The following RAD51B variants were observed in gnomAD, a reference collection of about 807,000 sequenced individuals.
The protein encoded by RAD51B is DNA repair protein RAD51 homolog 2.
Under a neutral mutation model 42.2 loss-of-function variants are expected in RAD51B, and 38 were observed. That is an observed-to-expected ratio of 0.90 (90% CI 0.70 to 1.18). The LOEUF (loss-of-function observed/expected upper bound fraction) is 1.18. Ranked by LOEUF, RAD51B falls within the 50% of genes most tolerant of loss-of-function variation. The pLI, the probability that RAD51B is intolerant of heterozygous loss-of-function variation, is 0.00. For missense variants in RAD51B, 373 were observed against 400.7 expected (o/e 0.93, Z 0.59); for synonymous variants, 154 against 145.2 (o/e 1.06, Z -0.43).
chr14:68,418,787 C>G (rs2084624205), intron 9 of RAD51B, among the ~76,000 whole-genome samples: 1 of 152,196 alleles, frequency 6.6e-6, no homozygotes, highest in East Asian at 1.9e-4. Flanking sequence ...TTATTTTAGC[C>G]TTAGCTGGTT....
downstream of RAD51B, among the ~76,000 whole-genome samples, chr14:68,616,154 T>C (rs536753806): frequency 7.9e-5 from 12 of 152,232 alleles, no homozygotes; most frequent in Admixed American, 2.6e-4. Flanking sequence ...ATTTTTGCTT[T>C]AATATTTTAA....
At chr14:68,564,203 A>G (rs751404365) in intron 10 of RAD51B, among the ~76,000 whole-genome samples, 1 of 152,330 alleles carries the variant, frequency 6.6e-6, no homozygotes, top group Non-Finnish European at 1.5e-5. Flanking sequence ...GGGCCTACCA[A>G]GAATGGTTGA....
chr14:67,954,210 T>C (rs891106136), intron 7 of RAD51B, among the ~76,000 whole-genome samples: 2 of 152,184 alleles, frequency 1.3e-5, no homozygotes, highest in African/African-American at 4.8e-5. Flanking sequence ...ATCCACAGAA[T>C]GATATGAGGG....
At chr14:68,579,819 GA>G (rs1434555803) in intron 10 of RAD51B, among the ~76,000 whole-genome samples, 1 of 152,180 alleles carries the variant, frequency 6.6e-6, no homozygotes, top group Non-Finnish European at 1.5e-5. Context: ...AAAGAAAATA[GA>G]AGAGAGAAAA....
intron 7 of RAD51B, among the ~76,000 whole-genome samples, chr14:67,966,693 G>T (rs1406465382): frequency 6.6e-6 from 1 of 152,182 alleles, no homozygotes; most frequent in Non-Finnish European, 1.5e-5. Context: ...TGCTGTGTGT[G>T]TTTGTATGTG....
At chr14:68,127,404 T>C (rs892487938) in intron 7 of RAD51B, among the ~76,000 whole-genome samples, 1 of 152,326 alleles carries the variant, frequency 6.6e-6, no homozygotes, top group Middle Eastern at 3.4e-3. Context: ...TCCATGGGGA[T>C]AGGACTAAGT....
At chr14:68,129,229 T>C (rs1470468969) in intron 7 of RAD51B, among the ~76,000 whole-genome samples, 1 of 152,228 alleles carries the variant, frequency 6.6e-6, no homozygotes, top group Non-Finnish European at 1.5e-5. Context: ...CTTTCTACTA[T>C]ACCTTACGAG....
chr14:67,993,479 A>G (rs985637242), intron 7 of RAD51B, among the ~76,000 whole-genome samples: 5 of 152,320 alleles, frequency 3.3e-5, no homozygotes, highest in Admixed American at 3.3e-4. Flanking sequence ...TTCACTTAAC[A>G]TAATGACCAC....
chr14:67,906,405 C>T (rs1343680491), intron 7 of RAD51B, among the ~76,000 whole-genome samples: 1 of 152,064 alleles, frequency 6.6e-6, no homozygotes. Context: ...ATCCTGGCCT[C>T]ATACAGTGAG....
Position 68,567,023 on chromosome 14 carries a change from G to A in RAD51B, c.1037-27462G>A, listed in dbSNP as rs369134022. 1.2e-4 allele frequency among the ~76,000 whole-genome samples: 19 copies of A among 152,152 alleles called. No individual in the cohort carries two copies. In the East Asian group the frequency reaches 3.3e-3, roughly 26 times the overall value. On this transcript the variant is annotated intron_variant, in intron 10 of 10. Transcript: ENST00000487270. ...TTTTAAAAATTCAACTTTACTGGCC[G>A]GCACGGTGGCTCACGCCTATAATCC...
chr14:67,910,838 G>A (rs987369005), intron 7 of RAD51B, among the ~76,000 whole-genome samples: 2 of 148,630 alleles, frequency 1.3e-5, no homozygotes, highest in African/African-American at 2.5e-5. Flanking sequence ...TTGAGTCAGA[G>A]TCTTGCTCTG....
intron 8 of RAD51B, among the ~76,000 whole-genome samples, chr14:68,332,460 C>T (rs1050696030): frequency 6.6e-6 from 1 of 152,214 alleles, no homozygotes; most frequent in Non-Finnish European, 1.5e-5. Context: ...GGAGAATAAG[C>T]TCCCTTTCAT....
chr14:67,921,611 AC>A (rs2044327423), intron 7 of RAD51B, among the ~76,000 whole-genome samples: 1 of 149,962 alleles, frequency 6.7e-6, no homozygotes, highest in African/African-American at 2.5e-5. Flanking sequence ...ACACACACAC[AC>A]ACACACACAC....
At chr14:68,087,580 G>A (rs975207843) in intron 7 of RAD51B, among the ~76,000 whole-genome samples, 8 of 151,556 alleles carry the variant, frequency 5.3e-5, no homozygotes, top group Admixed American at 1.3e-4. Flanking sequence ...AAGAAAGTTC[G>A]CTGTGGAACC....
intron 7 of RAD51B, among the ~76,000 whole-genome samples, chr14:68,129,316 A>G (rs974843469): frequency 1.3e-5 from 2 of 152,196 alleles, no homozygotes; most frequent in Non-Finnish European, 2.9e-5. Context: ...TGAGAACTCT[A>G]TGAGTTTAGA....
At chr14:68,005,046 T>TGTGTGTG (rs532603986) in intron 7 of RAD51B, among the ~76,000 whole-genome samples, 2 of 80,278 alleles carry the variant, frequency 2.5e-5, no homozygotes, top group Admixed American at 1.3e-4. Context: ...TGTGTGTGTG[T>TGTGTGTG]TTTTTTTTTT....
chr14:68,663,871 C>T (rs2024944), intron 11 of RAD51B, among the ~76,000 whole-genome samples: 137,550 of 152,304 alleles, frequency 0.9, 62,344 homozygotes, highest in African/African-American at 0.98. Context: ...CAGTAGTCCC[C>T]TCTCACAAAT....
rs79329792 is a variant in RAD51B, at chr14:68,260,409, C to G, written c.757-31475C>G. Among the ~76,000 whole-genome samples, 668 of 150,464 alleles carry G rather than the reference C, an allele frequency of 4.4e-3. 7 individuals are homozygous for G. The highest frequency in any genetic ancestry group is 0.016 in the African/African-American group (651 of 40,814). ...ACACCTCTATAACAAAGGAGATTAA[C>G]AAGAGAAAAGCATAGCACATTTATT... is the stretch of plus-strand genomic sequence containing the variant. On this transcript the variant is annotated intron_variant, in intron 7 of 10. Coordinates refer to ENST00000471583, the MANE Select transcript of RAD51B (RefSeq NM_133510.4).
At chr14:67,942,372 C>G (rs1595142488) in intron 7 of RAD51B, among the ~76,000 whole-genome samples, 1 of 152,176 alleles carries the variant, frequency 6.6e-6, no homozygotes, top group Middle Eastern at 3.4e-3. Flanking sequence ...TAAACATATC[C>G]TAGTCCTATT....
Sources: allele counts gnomAD v4.1 joint callset (sites outside exome capture counted in the v4.1 genomes callset), GRCh38; gene constraint gnomAD v4.1.1; transcripts MANE v1.5; gene names NCBI Gene and HGNC (gene_info 2026-07-23, HGNC 2026-07-21).